LEF1: variants seen among roughly 807,000 people sequenced by gnomAD.
LEF1 encodes the protein lymphoid enhancer binding factor 1.
A neutral mutation model predicts 51.2 loss-of-function variants in LEF1; 14 were observed. The ratio of observed to expected loss-of-function variants is 0.27; its 90% CI spans 0.18 to 0.43. The LOEUF (loss-of-function observed/expected upper bound fraction) is 0.43, where lower values mean the gene tolerates loss of function less well. Ranked by LOEUF, LEF1 falls within the 20% of genes least tolerant of loss-of-function variation. The pLI is 1.00. For missense variants in LEF1, 386 were observed against 512.0 expected (o/e 0.75, Z 2.37); for synonymous variants, 185 against 183.2 (o/e 1.01, Z -0.08).
Position 108,067,094 on chromosome 4 carries a change from T to C in LEF1, c.1117-2710A>G, listed in dbSNP as rs1175016219. ...AGTATCTTTAGATAAAGTACTATCA[T>C]TGATCAGCTTCTGTTTGCCTCAGTA... On this transcript the variant is annotated intron_variant, in intron 9 of 11. Transcript: ENST00000265165. Among the ~76,000 whole-genome samples the C allele has an allele frequency of 2.0e-5, 3 of 152,226 alleles. No homozygotes were observed. In the East Asian group the frequency reaches 5.8e-4, roughly 29 times the overall value.
chr4:108,090,354 A>G (rs907457822), intron 3 of LEF1, among the ~76,000 whole-genome samples: 2 of 152,202 alleles, frequency 1.3e-5, no homozygotes, highest in Non-Finnish European at 2.9e-5. Flanking sequence ...ATACTTGTTT[A>G]CAGACATTTT....
chr4:108,081,593 T>C lies in LEF1; in HGVS notation c.715A>G (p.Met239Val), dbSNP rs761818179. 9 of 1,613,734 alleles carry C rather than the reference T, an allele frequency of 5.6e-6. 1 individual carries two copies. The highest frequency in any genetic ancestry group is 1.7e-4 in the Middle Eastern group (1 of 6,030). ...GTTTCCACCTCCACCTACCTGGACA[T>C]GGAAGTGTCGACTGACAGTGAGGAT... ...YPSSLSVDTS[M>V]SRFSHHMIPG... Residue 239 changes from methionine (M) to valine (V), a missense_variant, in exon 6 of 12, where the codon ATG becomes GTG. Coordinates refer to ENST00000265165, the MANE Select transcript of LEF1 (RefSeq NM_016269.5).
chr4:108,078,039 C>T (rs1739026898), intron 8 of LEF1, among the ~76,000 whole-genome samples, 181 bp downstream of exon 8: 1 of 75,150 alleles, frequency 1.3e-5, no homozygotes, highest in South Asian at 7.4e-4. Context: ...GAGTGAGACG[C>T]TGTCTCAAAA....
intron 3 of LEF1, among the ~76,000 whole-genome samples, chr4:108,128,046 T>C (rs1742655810): frequency 6.6e-6 from 1 of 152,198 alleles, no homozygotes; most frequent in African/African-American, 2.4e-5. Flanking sequence ...CTGCATAATT[T>C]GAATTGATAA....
At chr4:108,112,036 C>G (rs1316204069) in intron 3 of LEF1, among the ~76,000 whole-genome samples, 1 of 152,202 alleles carries the variant, frequency 6.6e-6, no homozygotes, top group Non-Finnish European at 1.5e-5. Context: ...CCCTACAAGG[C>G]TCAGCAGCTA....
At chr4:108,091,485 T>C (rs181478092) in intron 3 of LEF1, among the ~76,000 whole-genome samples, 1 of 152,186 alleles carries the variant, frequency 6.6e-6, no homozygotes. Context: ...CACACTTTTT[T>C]TGGAAAATGA....
chr4:108,163,420 G>T, intron 3 of LEF1, 148 bp downstream of exon 3: 1 of 769,514 alleles, frequency 1.3e-6, no homozygotes, highest in Non-Finnish European at 2.1e-6. Context: ...TTTTAAGGTG[G>T]CCATTCCTCA....
chr4:108,143,191 T>A (rs1379748954), intron 3 of LEF1, among the ~76,000 whole-genome samples: 2 of 152,204 alleles, frequency 1.3e-5, no homozygotes, highest in Non-Finnish European at 2.9e-5. Context: ...ACTGGAAAAC[T>A]CTTTCTTTTA....
At chr4:108,124,865 C>G (rs1392356130) in intron 3 of LEF1, among the ~76,000 whole-genome samples, 2 of 152,158 alleles carry the variant, frequency 1.3e-5, no homozygotes, top group Non-Finnish European at 2.9e-5. Context: ...AACAGATTTT[C>G]TAACACTCCT....
At chr4:108,125,890 A>G (rs1350421086) in intron 3 of LEF1, among the ~76,000 whole-genome samples, 1 of 152,178 alleles carries the variant, frequency 6.6e-6, no homozygotes, top group Non-Finnish European at 1.5e-5. Context: ...TTAAAACTCT[A>G]AGTTCGAAAA....
chr4:108,118,133 G>A (rs922816378), intron 3 of LEF1, among the ~76,000 whole-genome samples: 2 of 152,208 alleles, frequency 1.3e-5, no homozygotes, highest in Admixed American at 1.3e-4. Context: ...AGAGGTAGGA[G>A]TCAAATCCAG....
chr4:108,123,092 C>T (rs1219132432), intron 3 of LEF1, among the ~76,000 whole-genome samples: 2 of 152,124 alleles, frequency 1.3e-5, no homozygotes, highest in African/African-American at 2.4e-5. Context: ...TTAAGTTTAT[C>T]TGCAGAAATT....
Position 108,163,679 on chromosome 4 carries a change from G to C in LEF1, c.303C>G (p.Leu101=), listed in dbSNP as rs1745211016. The C allele has an allele frequency of 6.2e-7, 1 of 1,613,784 alleles. No homozygotes were observed. The highest frequency in any genetic ancestry group is 8.5e-7 in the Non-Finnish European group (1 of 1,179,782). The part of the protein sequence containing the change: ...PDDGKHPDGG[L]YNKGPSYSSY... Reference sequence around the variant, plus strand: ...TCGAGTAGGAGGGTCCCTTGTTGTAGAGGCCTCCATCTGGATGCTTTCCTG... The same window carrying C: ...TCGAGTAGGAGGGTCCCTTGTTGTACAGGCCTCCATCTGGATGCTTTCCTG... Residue 101 remains leucine (L), a synonymous_variant, in exon 3 of 12, where the codon CTC becomes CTG. Coordinates refer to ENST00000265165, the MANE Select transcript of LEF1 (RefSeq NM_016269.5).
intron 3 of LEF1, among the ~76,000 whole-genome samples, chr4:108,141,750 C>T (rs1263423055): frequency 6.6e-6 from 1 of 152,194 alleles, no homozygotes; most frequent in Non-Finnish European, 1.5e-5. Context: ...AGCTGCATTA[C>T]ATTCTGCCAG....
chr4:108,138,516 C>CACACAA (rs1163158988), intron 3 of LEF1, among the ~76,000 whole-genome samples: 1 of 152,044 alleles, frequency 6.6e-6, no homozygotes, highest in Non-Finnish European at 1.5e-5. Context: ...TACACACACA[C>CACACAA]ACACACACAC....
intron 3 of LEF1, among the ~76,000 whole-genome samples, chr4:108,137,208 C>G (rs370053660): frequency 3.5e-4 from 53 of 152,160 alleles, no homozygotes; most frequent in African/African-American, 1.2e-3. Flanking sequence ...CCTATTAAAA[C>G]AGAAAGTCTA....
intron 3 of LEF1, among the ~76,000 whole-genome samples, chr4:108,099,324 G>A (rs189436951): frequency 5.3e-5 from 8 of 151,426 alleles, no homozygotes; most frequent in Non-Finnish European, 7.4e-5. Context: ...TTTCTGTCTC[G>A]TACTCCAATT....
chr4:108,157,183 C>T (rs866101986), intron 3 of LEF1, among the ~76,000 whole-genome samples: 2,871 of 128,854 alleles, frequency 0.022, 57 homozygotes, highest in African/African-American at 0.063. Context: ...TATATATACA[C>T]ACACACACAC....
chr4:108,109,729 T>C (rs1741401925), intron 3 of LEF1, among the ~76,000 whole-genome samples: 1 of 152,226 alleles, frequency 6.6e-6, no homozygotes, highest in Admixed American at 6.5e-5. Flanking sequence ...TTCAGGGTAC[T>C]GAATAAGACA....
Sources: allele counts gnomAD v4.1 joint callset (sites outside exome capture counted in the v4.1 genomes callset), GRCh38; gene constraint gnomAD v4.1.1; transcripts MANE v1.5; gene names NCBI Gene and HGNC (gene_info 2026-07-23, HGNC 2026-07-21).